The following PCDH11X variants were observed in gnomAD, a reference collection of about 807,000 sequenced individuals.
The protein encoded by PCDH11X is protocadherin 11 X-linked.
PCDH11X carries 18 observed loss-of-function variants against 53.3 expected under a neutral mutation model. That is an observed-to-expected ratio of 0.34 (90% CI 0.23 to 0.50). The LOEUF is 0.50. PCDH11X is among the 20% of genes least tolerant of loss of function. The pLI is 0.98. For synonymous variants in PCDH11X, 279 were observed against 393.3 expected (o/e 0.71, Z 3.44); for missense variants, 570 against 1,032.4 (o/e 0.55, Z 6.14).
chrX:92,158,761 G>A (rs1397710073), intron 6 of PCDH11X, among the ~76,000 whole-genome samples: 10 of 109,933 alleles, frequency 9.1e-5, no homozygotes, highest in Non-Finnish European at 1.9e-4. Context: ...TCAGCCTCCC[G>A]AGTAGCTGAG....
chrX:91,791,859 T>C (rs1465423935), intron 1 of PCDH11X, among the ~76,000 whole-genome samples: 1 of 46,896 alleles, frequency 2.1e-5, no homozygotes, highest in African/African-American at 1.1e-4. Flanking sequence ...ATCAGTACAT[T>C]TTTTTTTTTT....
At chrX:92,441,098 G>A (rs1204971766) in intron 9 of PCDH11X, among the ~76,000 whole-genome samples, 1 of 109,294 alleles carries the variant, frequency 9.1e-6, no homozygotes, top group African/African-American at 3.3e-5. Flanking sequence ...TTGAACTTTA[G>A]AGAGATGACT....
At chrX:91,921,000 T>C (rs1035166741) in intron 6 of PCDH11X, among the ~76,000 whole-genome samples, 1 of 111,689 alleles carries the variant, frequency 9.0e-6, no homozygotes, top group Non-Finnish European at 1.9e-5. Context: ...TTTGACTATA[T>C]GGATTTCCAG....
intron 7 of PCDH11X, among the ~76,000 whole-genome samples, chrX:92,226,331 T>C (rs1479728176): frequency 9.0e-6 from 1 of 111,366 alleles, no homozygotes; most frequent in African/African-American, 3.3e-5. Flanking sequence ...GCAAAAAGGG[T>C]ATAATTTAAT....
chrX:92,148,110 C>T (rs1365317545), intron 6 of PCDH11X, among the ~76,000 whole-genome samples: 1 of 15,235 alleles, frequency 6.6e-5, no homozygotes, highest in Non-Finnish European at 1.1e-4. Flanking sequence ...TTCTTTCTTT[C>T]TTTCTTTCTT....
chrX:92,362,127 G>T (rs776459016), intron 8 of PCDH11X, among the ~76,000 whole-genome samples: 175 of 109,111 alleles, frequency 1.6e-3, no homozygotes, highest in African/African-American at 5.3e-3. Context: ...GAATCTTAGA[G>T]ACCCTGCTTC....
chrX:92,099,377 C>T (rs1425319536), intron 6 of PCDH11X, among the ~76,000 whole-genome samples: 2 of 107,404 alleles, frequency 1.9e-5, no homozygotes, highest in Non-Finnish European at 3.8e-5. Flanking sequence ...TTCCTTCAAA[C>T]TTCATGGCAG....
intron 4 of PCDH11X, among the ~76,000 whole-genome samples, chrX:91,821,025 G>C (rs1327903840): frequency 9.3e-6 from 1 of 107,003 alleles, no homozygotes; most frequent in East Asian, 2.9e-4. Context: ...CTGTTCCATT[G>C]ATCTATATCT....
chrX:92,606,705 G>A (rs1275074707), intron 10 of PCDH11X, among the ~76,000 whole-genome samples: 1 of 111,363 alleles, frequency 9.0e-6, no homozygotes, highest in Non-Finnish European at 1.9e-5. Context: ...GTACGTCAAA[G>A]GATATCATCG....
At chrX:92,573,100 C>A (rs1320443690) in intron 10 of PCDH11X, among the ~76,000 whole-genome samples, 1 of 111,060 alleles carries the variant, frequency 9.0e-6, no homozygotes, top group Non-Finnish European at 1.9e-5. Flanking sequence ...TACTATCCCA[C>A]AAGAGCAAAT....
Position 92,457,808 on chromosome X carries a change from T to G in PCDH11X, c.3344-10491T>G, listed in dbSNP as rs755119775. Among the ~76,000 whole-genome samples the G allele has an allele frequency of 1.3e-4, 14 of 107,771 alleles. No individual in the cohort carries two copies. In the South Asian group the frequency reaches 5.7e-3, roughly 44 times the overall value. The allele number at this position is 107,771 out of a possible 115,157, so 93.6% of individuals were successfully genotyped here. On this transcript the variant is annotated intron_variant, in intron 9 of 10. Transcript: ENST00000682573. ...ATTACTTTGGGGGAACAATGCAATATTTATGATAGTGAACATTATTGAAAT... is the reference window on the plus strand; with the variant it reads ...ATTACTTTGGGGGAACAATGCAATAGTTATGATAGTGAACATTATTGAAAT...
intron 8 of PCDH11X, among the ~76,000 whole-genome samples, chrX:92,371,208 T>A (rs1305400793): frequency 9.2e-6 from 1 of 108,372 alleles, no homozygotes; most frequent in African/African-American, 3.4e-5. Context: ...TTTAATCCAT[T>A]TAAATTTTAA....
intron 10 of PCDH11X, among the ~76,000 whole-genome samples, chrX:92,560,225 C>G (rs2075112660): frequency 9.1e-6 from 1 of 110,210 alleles, no homozygotes; most frequent in South Asian, 4.0e-4. Context: ...AAACCATGGC[C>G]TTGAAGGGAA....
chrX:92,551,118 G>A (rs2074946565), intron 10 of PCDH11X, among the ~76,000 whole-genome samples: 1 of 110,306 alleles, frequency 9.1e-6, no homozygotes, highest in South Asian at 3.8e-4. Flanking sequence ...GGAATTGCTG[G>A]ATCATATGGT....
intron 10 of PCDH11X, among the ~76,000 whole-genome samples, chrX:92,581,384 C>G (rs1362622489): frequency 8.1e-5 from 9 of 111,104 alleles, no homozygotes; most frequent in African/African-American, 2.6e-4. Flanking sequence ...AATTGAGTAA[C>G]GGGGATAGCT....
intron 10 of PCDH11X, among the ~76,000 whole-genome samples, chrX:92,617,461 TC>T (rs1002743757): frequency 9.0e-6 from 1 of 111,659 alleles, no homozygotes; most frequent in Admixed American, 9.5e-5. Flanking sequence ...AGAGAATTGA[TC>T]TTTTTATTGT....
chrX:92,377,233 G>A (rs1390330910), intron 8 of PCDH11X, among the ~76,000 whole-genome samples: 1 of 111,338 alleles, frequency 9.0e-6, no homozygotes, highest in East Asian at 2.8e-4. Flanking sequence ...CTTTTGGAAG[G>A]CTCATTGCAT....
At chrX:91,948,400 C>T (rs2061600832) in intron 6 of PCDH11X, among the ~76,000 whole-genome samples, 1 of 108,652 alleles carries the variant, frequency 9.2e-6, no homozygotes, top group African/African-American at 3.3e-5. Flanking sequence ...CTTATCTCGG[C>T]GTGCTAGGGG....
chrX:92,291,998 G>A (rs1385848109), intron 8 of PCDH11X, among the ~76,000 whole-genome samples: 1 of 111,498 alleles, frequency 9.0e-6, no homozygotes, highest in Non-Finnish European at 1.9e-5. Flanking sequence ...TAGAAAGAAT[G>A]CAAAATGTGA....
Sources: gnomAD v4.1 joint callset for allele counts (sites outside exome capture counted in the v4.1 genomes callset) on GRCh38, gnomAD v4.1.1 for gene constraint, MANE v1.5 for transcripts, NCBI Gene and HGNC (gene_info 2026-07-23, HGNC 2026-07-21) for gene names.